The following CLDN14 variants were observed in gnomAD, a reference collection of about 807,000 sequenced individuals.
CLDN14 encodes the protein claudin 14, also known as claudin-14.
A neutral mutation model predicts 2.1 loss-of-function variants in CLDN14; 2 were observed. That is an observed-to-expected ratio of 0.96 (90% CI 0.39 to 3.01). The LOEUF (loss-of-function observed/expected upper bound fraction) is 3.01. Ranked by LOEUF, CLDN14 falls within the 30% of genes most tolerant of loss-of-function variation. The pLI, the probability that CLDN14 is intolerant of heterozygous loss-of-function variation, is 0.09. For missense variants in CLDN14, 298 were observed against 328.0 expected, an observed-to-expected ratio of 0.91 and a Z score of 0.71; for synonymous variants, 136 against 154.4, an observed-to-expected ratio of 0.88 and a Z score of 0.88.
intron 2 of CLDN14, among the ~76,000 whole-genome samples, chr21:36,485,688 G>T (rs1185102926): frequency 6.6e-6 from 1 of 152,062 alleles, no homozygotes; most frequent in Non-Finnish European, 1.5e-5. Flanking sequence ...TTTCTGTCTC[G>T]GGACACCCTG....
intron 1 of CLDN14, among the ~76,000 whole-genome samples, chr21:36,558,102 G>A (rs2087611430): frequency 6.6e-6 from 1 of 152,102 alleles, no homozygotes. Flanking sequence ...ATATCTGTGG[G>A]TTTATTTCTG....
intron 1 of CLDN14, among the ~76,000 whole-genome samples, chr21:36,547,558 G>A (rs1428155347): frequency 6.6e-6 from 1 of 152,214 alleles, no homozygotes; most frequent in Non-Finnish European, 1.5e-5. Flanking sequence ...GAAACACGTG[G>A]AGAGGCGGCC....
At chr21:36,486,933 A>C (rs1252820627) in intron 2 of CLDN14, 1 of 566,220 alleles carries the variant, frequency 1.8e-6, no homozygotes, top group African/African-American at 1.9e-5. Flanking sequence ...CACAGTCATT[A>C]GCCAGTGTGA....
intron 2 of CLDN14, among the ~76,000 whole-genome samples, chr21:36,504,154 C>A (rs546684454): frequency 1.3e-5 from 2 of 150,680 alleles, no homozygotes; most frequent in Admixed American, 1.3e-4. Context: ...GCTTGGGCAA[C>A]ATAGCAAAAT....
At chr21:36,480,903 C>G (rs1214736430), upstream of CLDN14, 1 of 152,072 alleles carries the variant, frequency 6.6e-6, no homozygotes, top group Non-Finnish European at 1.5e-5. Context: ...GGGCATGGAC[C>G]AAAAGCCTGG....
intron 1 of CLDN14, among the ~76,000 whole-genome samples, chr21:36,547,391 C>G (rs2087532578): frequency 6.6e-6 from 1 of 152,056 alleles, no homozygotes; most frequent in Admixed American, 6.6e-5. Context: ...TGGATGTTTT[C>G]AAAGGATCTG....
intron 1 of CLDN14, among the ~76,000 whole-genome samples, chr21:36,472,298 G>A (rs1568846024): frequency 6.6e-6 from 1 of 152,182 alleles, no homozygotes; most frequent in Non-Finnish European, 1.5e-5. Flanking sequence ...AGGCTAGCGG[G>A]ATGTGCTGAT....
At chr21:36,575,017 A>G (rs976531099) in intron 1 of CLDN14, among the ~76,000 whole-genome samples, 1 of 152,246 alleles carries the variant, frequency 6.6e-6, no homozygotes, top group Non-Finnish European at 1.5e-5. Flanking sequence ...AAAAACAGAC[A>G]CACTTGTCTC....
At chr21:36,554,419 C>G (rs116489144) in intron 1 of CLDN14, among the ~76,000 whole-genome samples, 1 of 152,120 alleles carries the variant, frequency 6.6e-6, no homozygotes, top group Non-Finnish European at 1.5e-5. Flanking sequence ...ACAGGTGCCC[C>G]GTGAGGAAAG....
intron 1 of CLDN14, among the ~76,000 whole-genome samples, chr21:36,468,019 C>T (rs946630656): frequency 2.0e-5 from 3 of 152,110 alleles, no homozygotes; most frequent in African/African-American, 7.2e-5. Flanking sequence ...GAATGGCTCT[C>T]GAGATGTTTG....
chr21:36,561,484 C>T (rs558260329), intron 1 of CLDN14, among the ~76,000 whole-genome samples: 8 of 152,172 alleles, frequency 5.3e-5, no homozygotes, highest in South Asian at 2.1e-4. Flanking sequence ...ACTTGGTTCC[C>T]GCCATAGTGG....
intron 1 of CLDN14, among the ~76,000 whole-genome samples, chr21:36,472,691 C>T (rs1205871380): frequency 4.6e-4 from 70 of 152,174 alleles, no homozygotes; most frequent in Admixed American, 4.5e-3. Context: ...TTAATTTTCT[C>T]ACAATTCCGG....
chr21:36,574,501 C>T (rs1035777018), intron 1 of CLDN14, among the ~76,000 whole-genome samples: 9 of 152,072 alleles, frequency 5.9e-5, no homozygotes, highest in African/African-American at 2.2e-4. Context: ...TCAAATAAGA[C>T]AATACTAATC....
chr21:36,516,583 CCAA>C (rs1234010292), intron 1 of CLDN14, among the ~76,000 whole-genome samples: 2 of 152,164 alleles, frequency 1.3e-5, no homozygotes, highest in African/African-American at 4.8e-5. Flanking sequence ...TAAAATTTTA[CCAA>C]CAAAGTACTA....
At chr21:36,483,736 G>A (rs910987731), upstream of CLDN14, among the ~76,000 whole-genome samples, 5 of 152,186 alleles carry the variant, frequency 3.3e-5, no homozygotes, top group African/African-American at 1.2e-4. Context: ...AGGTATTGCC[G>A]AAGGAGAGCT....
chr21:36,554,988 G>A (rs988880228), intron 1 of CLDN14, among the ~76,000 whole-genome samples: 1 of 152,190 alleles, frequency 6.6e-6, no homozygotes, highest in African/African-American at 2.4e-5. Context: ...TCAACACACT[G>A]CAGGGTCCCC....
At chr21:36,571,425 G>A (rs911474967) in intron 1 of CLDN14, among the ~76,000 whole-genome samples, 1 of 152,202 alleles carries the variant, frequency 6.6e-6, no homozygotes, top group Non-Finnish European at 1.5e-5. Context: ...AATGTCATGT[G>A]GAGGTTTGCT....
chr21:36,520,819 G>C (rs917082456), intron 1 of CLDN14, among the ~76,000 whole-genome samples: 1 of 152,000 alleles, frequency 6.6e-6, no homozygotes, highest in African/African-American at 2.4e-5. Flanking sequence ...CCAAGCAAAA[G>C]ATCATCTCTC....
At chr21:36,514,823 G>A (rs781239475) in intron 1 of CLDN14, among the ~76,000 whole-genome samples, 10 of 151,982 alleles carry the variant, frequency 6.6e-5, no homozygotes, top group Non-Finnish European at 1.5e-4. Context: ...CCTCCAGCTT[G>A]AAATCAACCA....
Sources: allele counts gnomAD v4.1 joint callset (sites outside exome capture counted in the v4.1 genomes callset), GRCh38; gene constraint gnomAD v4.1.1; transcripts MANE v1.5; gene names NCBI Gene and HGNC (gene_info 2026-07-23, HGNC 2026-07-21).